CMIP: variants seen among roughly 807,000 people sequenced by gnomAD.
CMIP encodes C-Maf-inducing protein.
CMIP carries 13 observed loss-of-function variants against 97.3 expected under a neutral mutation model. The ratio of observed to expected loss-of-function variants is 0.13; its 90% CI spans 0.09 to 0.21. The LOEUF (loss-of-function observed/expected upper bound fraction) is 0.21, where lower values mean the gene tolerates loss of function less well. Ranked by LOEUF, CMIP falls within the 10% of genes least tolerant of loss-of-function variation. CMIP has a pLI of 1.00. For missense variants in CMIP, 847 were observed against 1,024.9 expected, an observed-to-expected ratio of 0.83 and a Z score of 2.37; for synonymous variants, 538 against 436.3, an observed-to-expected ratio of 1.23 and a Z score of -2.91.
At chr16:81,500,272 G>GTCCTTCCTTCCT (rs143054986) in intron 1 of CMIP, among the ~76,000 whole-genome samples, 11,325 of 64,796 alleles carry the variant, frequency 0.17, 1,895 homozygotes, top group African/African-American at 0.3. Context: ...CCTTCCTTCC[G>GTCCTTCCTTCCT]TCCTTCCTTC....
intron 1 of CMIP, among the ~76,000 whole-genome samples, chr16:81,543,628 C>T (rs1006567655): frequency 1.5e-4 from 23 of 152,284 alleles, no homozygotes; most frequent in African/African-American, 5.5e-4. Context: ...GTCACTTCCC[C>T]CCGTTCCTCA....
intron 1 of CMIP, chr16:81,495,239 A>G (rs2089467599): frequency 4.0e-6 from 5 of 1,248,518 alleles, no homozygotes; most frequent in Non-Finnish European, 5.3e-6. Flanking sequence ...TGAAACAGAC[A>G]CTGATGGTCA....
intron 7 of CMIP, among the ~76,000 whole-genome samples, chr16:81,667,799 A>AGAGAGAGAGAGGGTGTGT: frequency 3.4e-5 from 2 of 58,096 alleles, no homozygotes; most frequent in Non-Finnish European, 6.4e-5. Context: ...AGAGAGAGAG[A>AGAGAGAGAGAGGGTGTGT]GTGTGTGTGT....
In CMIP at chr16:81,703,936, C is replaced by A. The variant is rs757823993; in HGVS notation, c.1945-3C>A. On this transcript the variant is annotated splice_polypyrimidine_tract_variant and splice_region_variant and intron_variant, in intron 17 of 20. Transcript: ENST00000537098. ...CTCAGGCCTCTCCCCCGTCTGCCCG[C>A]AGGACGCTGACTTGGCTCGTTTGCT... 1.9e-6 allele frequency: 3 copies of A among 1,593,022 alleles called. No individual in the cohort carries two copies. The African/African-American group carries it at 4.0e-5, about 21-fold the overall frequency.
In CMIP at chr16:81,536,576, T is replaced by A. The variant is rs79317810; in HGVS notation, c.301-70991T>A. 8.2e-3 allele frequency among the ~76,000 whole-genome samples: 1,252 copies of A among 152,308 alleles called. 15 individuals are homozygous for A. Among genetic ancestry groups the A allele is most frequent in the African/African-American group, 0.028 (1,165 of 41,568 alleles). On this transcript the variant is annotated intron_variant, in intron 1 of 20. Transcript: ENST00000537098. Reference sequence around the variant, plus strand: ...GTAGCACAACCCGTCTCCGGAACCTTCTTTCTATAAATGCAGAATTAGGGT... The same window carrying A: ...GTAGCACAACCCGTCTCCGGAACCTACTTTCTATAAATGCAGAATTAGGGT...
At chr16:81,542,482 G>A (rs1681407268) in intron 1 of CMIP, among the ~76,000 whole-genome samples, 2 of 152,294 alleles carry the variant, frequency 1.3e-5, no homozygotes, top group South Asian at 4.1e-4. Flanking sequence ...GCCTGCATCT[G>A]GGAATAGGGT....
Position 81,636,086 on chromosome 16 carries a change from TGA to T in CMIP, c.477+15162_477+15163del, listed in dbSNP as rs147376790. Among the ~76,000 whole-genome samples the T allele has an allele frequency of 9.9e-3, 1,509 of 151,850 alleles. 33 individuals are homozygous for T. Among genetic ancestry groups the T allele is most frequent in the African/African-American group, 0.035 (1,449 of 41,320 alleles). Reference sequence around the variant, plus strand: ...TGGGCTGGTTGTGTGTTTGTGTGTGTGAGTGTGTGTGTAACTGGGTTGTGGGT... The same window carrying T: ...TGGGCTGGTTGTGTGTTTGTGTGTGTGTGTGTGTGTAACTGGGTTGTGGGT... On this transcript the variant is annotated intron_variant, in intron 3 of 20. Coordinates refer to ENST00000537098, the MANE Select transcript of CMIP (RefSeq NM_198390.3).
In CMIP at chr16:81,678,354, C is replaced by T. The variant is rs1024601643; in HGVS notation, c.1114C>T (p.Arg372Cys). ...CGACCGGAAGCCCACTTTACCTCTGCGCCTTCTGCACCCCAGCCCGGACCT... is the reference window on the plus strand; with the variant it reads ...CGACCGGAAGCCCACTTTACCTCTGTGCCTTCTGCACCCCAGCCCGGACCT... The part of the protein sequence containing the change: ...PCDRKPTLPL[R>C]LLHPSPDLVS... The change falls in exon 10 of 21, where the codon CGC (arginine) becomes TGC (cysteine). Residue 372 changes from arginine (R) to cysteine (C), a missense_variant. Arg to Cys is a radical substitution (Grantham distance 180). Around this residue, in one of 4 missense-constraint regions of CMIP, gnomAD observed 202 missense variants for 168.7 expected, o/e 1.20. Coordinates refer to ENST00000537098, the MANE Select transcript of CMIP (RefSeq NM_198390.3). 13 of 1,613,316 alleles carry T rather than the reference C, an allele frequency of 8.1e-6. No homozygotes were observed. Among genetic ancestry groups the T allele is most frequent in the Non-Finnish European group, 1.1e-5 (13 of 1,179,692 alleles).
chr16:81,648,511 C>T (rs2092391084), intron 3 of CMIP, among the ~76,000 whole-genome samples: 3 of 152,102 alleles, frequency 2.0e-5, no homozygotes, highest in Admixed American at 2.0e-4. Flanking sequence ...TGGCCAGGCG[C>T]AGTGGCTGCC....
intron 19 of CMIP, 148 bp from the exon 20 acceptor site, chr16:81,706,866 C>G (rs181546143): frequency 1.2e-5 from 8 of 683,012 alleles, no homozygotes; most frequent in Non-Finnish European, 2.1e-5. Flanking sequence ...GCCACCTACC[C>G]TGGCTGTGTC....
At chr16:81,485,997 C>G (rs1195030578) in intron 1 of CMIP, among the ~76,000 whole-genome samples, 1 of 152,184 alleles carries the variant, frequency 6.6e-6, no homozygotes, top group Admixed American at 6.5e-5. Context: ...GCTCCCAGAC[C>G]TACTGCGGAG....
chr16:81,672,432 C>G lies in CMIP; in HGVS notation c.1034+362C>G, dbSNP rs533148856. Among the ~76,000 whole-genome samples the G allele has an allele frequency of 6.4e-4, 98 of 152,282 alleles. 3 individuals are homozygous for G. The South Asian group carries it at 0.019, about 30-fold the overall frequency. ...TGCAAATGCATGTGTGCACTGTACA[C>G]ATACATGTGACTGTGTGTACGTGTG... On this transcript the variant is annotated intron_variant, in intron 9 of 20. Transcript: ENST00000537098.
Position 81,655,885 on chromosome 16 carries a change from A to G in CMIP, c.640-1890A>G, listed in dbSNP as rs746053279. ...GATAGTAGAGAACCTGTCATAATCA[A>G]AAGAAATTGGTGGCATGAGCAAAAC... On this transcript the variant is annotated intron_variant, in intron 4 of 20. Coordinates refer to ENST00000537098, the MANE Select transcript of CMIP (RefSeq NM_198390.3). This position sits in a 1 kb window ranked among gnomAD's most constrained non-coding sequence, Gnocchi z 4.9. Among the ~76,000 whole-genome samples, 46 of 152,198 alleles carry G rather than the reference A, an allele frequency of 3.0e-4. 1 individual carries two copies. The highest frequency in any genetic ancestry group is 1.0e-4 in the Non-Finnish European group (7 of 68,032).
chr16:81,601,144 C>A (rs2091650246), intron 1 of CMIP, among the ~76,000 whole-genome samples: 1 of 152,244 alleles, frequency 6.6e-6, no homozygotes, highest in Non-Finnish European at 1.5e-5. Context: ...TTTTCAACCC[C>A]ATCCCCGACT....
At chr16:81,540,715 C>T (rs1201262463) in intron 1 of CMIP, among the ~76,000 whole-genome samples, 1 of 149,322 alleles carries the variant, frequency 6.7e-6, no homozygotes, top group Non-Finnish European at 1.5e-5. Context: ...GAGTCTCGGT[C>T]TGTTGCCCAA....
chr16:81,542,207 G>A (rs2090462242), intron 1 of CMIP, among the ~76,000 whole-genome samples: 1 of 152,204 alleles, frequency 6.6e-6, no homozygotes, highest in African/African-American at 2.4e-5. Flanking sequence ...GCAGGAGTTG[G>A]TTGATTTTGA....
intron 1 of CMIP, among the ~76,000 whole-genome samples, chr16:81,589,797 CCT>C (rs1188832353): frequency 1.3e-5 from 2 of 152,250 alleles, no homozygotes; most frequent in African/African-American, 4.8e-5. Flanking sequence ...TCCCTTCCTC[CCT>C]CTCTCAACTT....
At chr16:81,557,401 T>C (rs2090786656) in intron 1 of CMIP, among the ~76,000 whole-genome samples, 1 of 152,256 alleles carries the variant, frequency 6.6e-6, no homozygotes, top group Non-Finnish European at 1.5e-5. Flanking sequence ...ACTGTGTACT[T>C]ACCATCTTGT....
chr16:81,588,475 G>A (rs1015287290), intron 1 of CMIP, among the ~76,000 whole-genome samples: 1 of 152,188 alleles, frequency 6.6e-6, no homozygotes, highest in Admixed American at 6.5e-5. Context: ...TCGTTTACGG[G>A]CAGGGTGCTG....
Sources: allele counts gnomAD v4.1 joint callset (sites outside exome capture counted in the v4.1 genomes callset), GRCh38; gene constraint gnomAD v4.1.1; regional missense constraint gnomAD v4.1.1; non-coding constraint Gnocchi (gnomAD v3.1); transcripts MANE v1.5; gene names NCBI Gene and HGNC (gene_info 2026-07-23, HGNC 2026-07-21).